DOCK9: variants seen among roughly 807,000 people sequenced by gnomAD.
DOCK9 encodes the protein dedicator of cytokinesis protein 9.
Under a neutral mutation model 263.3 loss-of-function variants are expected in DOCK9, and 89 were observed. The ratio of observed to expected loss-of-function variants is 0.34; its 90% CI spans 0.28 to 0.40. The LOEUF (loss-of-function observed/expected upper bound fraction) is 0.40. Among genes scored for constraint, DOCK9 ranks in the 10% least tolerant of loss-of-function variants. The pLI is 1.00. For missense variants in DOCK9, 2,140 were observed against 2,603.4 expected (o/e 0.82, Z 3.87); for synonymous variants, 976 against 973.1 (o/e 1.00, Z -0.06).
At chr13:98,839,885 T>C (rs2093147160) in intron 38 of DOCK9, among the ~76,000 whole-genome samples, 1 of 152,234 alleles carries the variant, frequency 6.6e-6, no homozygotes, top group Non-Finnish European at 1.5e-5. Context: ...TAGAGTCAGA[T>C]TCATACAGAC....
intron 20 of DOCK9, chr13:98,885,390 G>A: frequency 1.9e-6 from 1 of 529,744 alleles, no homozygotes; most frequent in Admixed American, 2.8e-5. Context: ...GACTGCTTGA[G>A]CTCACGAGTT....
At chr13:98,971,270 T>A (rs1341953721) in intron 1 of DOCK9, among the ~76,000 whole-genome samples, 1 of 152,216 alleles carries the variant, frequency 6.6e-6, no homozygotes, top group Non-Finnish European at 1.5e-5. Context: ...TGCAGCCTCG[T>A]GTTTAGCTGC....
chr13:98,855,290 T>C (rs573380620), intron 34 of DOCK9, among the ~76,000 whole-genome samples: 2 of 152,282 alleles, frequency 1.3e-5, no homozygotes, highest in African/African-American at 4.8e-5. Context: ...CTACAGGGAA[T>C]TGGCCAGGTG....
At chr13:99,005,356 T>G (rs1652872252) in intron 1 of DOCK9, among the ~76,000 whole-genome samples, 1 of 152,164 alleles carries the variant, frequency 6.6e-6, no homozygotes, top group Admixed American at 6.5e-5. Flanking sequence ...ATTATAGAAT[T>G]TATGTCTCTC....
chr13:98,923,978 T>A (rs1356574101), intron 4 of DOCK9, among the ~76,000 whole-genome samples: 2 of 152,258 alleles, frequency 1.3e-5, no homozygotes, highest in East Asian at 3.9e-4. Context: ...CAATTCTCCC[T>A]CTCTTTCTCA....
At chr13:99,015,086 A>G (rs1024700509) in intron 1 of DOCK9, among the ~76,000 whole-genome samples, 1 of 152,242 alleles carries the variant, frequency 6.6e-6, no homozygotes, top group African/African-American at 2.4e-5. Context: ...AAGGGGCTAA[A>G]TAATTCACTA....
At chr13:99,085,287 A>G (rs1194820410) in intron 1 of DOCK9, among the ~76,000 whole-genome samples, 2 of 152,054 alleles carry the variant, frequency 1.3e-5, no homozygotes, top group Non-Finnish European at 2.9e-5. Flanking sequence ...AGTCACACCC[A>G]CCCACAAACA....
chr13:98,909,040 C>G (rs1290452275), intron 9 of DOCK9, among the ~76,000 whole-genome samples: 1 of 152,162 alleles, frequency 6.6e-6, no homozygotes, highest in Non-Finnish European at 1.5e-5. Context: ...GTAAGAAGAG[C>G]CAACTGGCTT....
At chr13:99,086,272 G>A in exon 1 of DOCK9, 1 of 1,498,120 alleles carries the variant, frequency 6.7e-7, no homozygotes, top group Non-Finnish European at 8.8e-7. Flanking sequence ...CCGCAGCTCG[G>A]CCGCCGTGCC....
chr13:98,877,819 T>C (rs1476700876), intron 27 of DOCK9, among the ~76,000 whole-genome samples: 2 of 152,186 alleles, frequency 1.3e-5, no homozygotes, highest in African/African-American at 4.8e-5. Flanking sequence ...TAGTAGGGGC[T>C]CAATGAATAG....
rs1489373342 is a variant in DOCK9, at chr13:98,895,596, C to T, written c.1709+1892G>A. Among the ~76,000 whole-genome samples the T allele has an allele frequency of 4.7e-5, 7 of 150,032 alleles. No individual in the cohort carries two copies. In the South Asian group the frequency reaches 6.4e-4, roughly 14 times the overall value. On this transcript the variant is annotated intron_variant, in intron 15 of 52. Coordinates refer to ENST00000682017, the MANE Select transcript of DOCK9 (RefSeq NM_001366683.2). Reference sequence around the variant, plus strand: ...AGGAGAATCGCTTGAACTCGGGAGGCGGAGGTTGCAGTGAGCTGAAATCGT... The same window carrying T: ...AGGAGAATCGCTTGAACTCGGGAGGTGGAGGTTGCAGTGAGCTGAAATCGT...
At chr13:98,856,165 C>A in intron 33 of DOCK9, 134 bp from the exon 34 acceptor site, 1 of 830,880 alleles carries the variant, frequency 1.2e-6, no homozygotes, top group Non-Finnish European at 1.8e-6. Context: ...AGTTGCATTC[C>A]ATTACTTCAC....
intron 1 of DOCK9, among the ~76,000 whole-genome samples, chr13:99,050,900 A>G (rs1016158564): frequency 2.6e-5 from 4 of 152,112 alleles, no homozygotes; most frequent in African/African-American, 7.2e-5. Flanking sequence ...CTGATTCTCA[A>G]AATCAAAGAT....
At chr13:98,903,643 G>A (rs1251754689) in intron 10 of DOCK9, among the ~76,000 whole-genome samples, 13 of 148,412 alleles carry the variant, frequency 8.8e-5, no homozygotes, top group Non-Finnish European at 1.3e-4. Context: ...AGACATGATG[G>A]TATACCTACT....
chr13:98,805,242 G>GC (rs2090562192), intron 48 of DOCK9, 33 bp from the exon 49 acceptor site: 6 of 1,530,142 alleles, frequency 3.9e-6, no homozygotes, highest in Non-Finnish European at 5.3e-6. Flanking sequence ...GGAGATTGGT[G>GC]CTCCATGAAG....
At chr13:98,807,882 T>G in intron 47 of DOCK9, 75 bp from the exon 48 acceptor site, 1 of 1,273,334 alleles carries the variant, frequency 7.9e-7, no homozygotes, top group Non-Finnish European at 1.0e-6. Flanking sequence ...CGTTCTTTTA[T>G]TACAAGGGGG....
chr13:98,832,685 T>A (rs1405607372), intron 39 of DOCK9, among the ~76,000 whole-genome samples: 1 of 152,222 alleles, frequency 6.6e-6, no homozygotes, highest in African/African-American at 2.4e-5. Flanking sequence ...TCGTGTCTAA[T>A]GTGCACAACA....
chr13:98,970,876 C>T (rs560716190), intron 1 of DOCK9, among the ~76,000 whole-genome samples: 1 of 152,290 alleles, frequency 6.6e-6, no homozygotes, highest in South Asian at 2.1e-4. Flanking sequence ...CTGCTAACTC[C>T]AAATTTTTGA....
intron 1 of DOCK9, among the ~76,000 whole-genome samples, chr13:98,992,000 G>A (rs1567179795): frequency 6.6e-6 from 1 of 152,082 alleles, no homozygotes; most frequent in Non-Finnish European, 1.5e-5. Flanking sequence ...AAGAAGCCAG[G>A]CTCCTACATC....
Sources: allele counts gnomAD v4.1 joint callset (sites outside exome capture counted in the v4.1 genomes callset), GRCh38; gene constraint gnomAD v4.1.1; transcripts MANE v1.5; gene names NCBI Gene and HGNC (gene_info 2026-07-23, HGNC 2026-07-21).